The following SLC24A2 variants were observed in gnomAD, a reference collection of about 807,000 sequenced individuals.
The protein encoded by SLC24A2 is sodium/potassium/calcium exchanger 2.
SLC24A2 carries 36 observed loss-of-function variants against 62.0 expected under a neutral mutation model. The observed-to-expected ratio is 0.58, with a 90% confidence interval of 0.44 to 0.77. The LOEUF is 0.77. Ranked by LOEUF, SLC24A2 falls within the 30% of genes least tolerant of loss-of-function variation. SLC24A2 has a pLI of 0.00. For synonymous variants in SLC24A2, 358 were observed against 294.0 expected (o/e 1.22, Z -2.23); for missense variants, 846 against 817.9 (o/e 1.03, Z -0.42).
the SLC24A2 span, among the ~76,000 whole-genome samples, chr9:19,956,840 T>C: frequency 1.3e-5 from 2 of 152,160 alleles, no homozygotes; most frequent in African/African-American, 4.8e-5. Context: ...CCCTCATGAA[T>C]GGGATTGGTG....
At chr9:19,776,733 G>A (rs1217455687) in intron 2 of SLC24A2, among the ~76,000 whole-genome samples, 1 of 152,218 alleles carries the variant, frequency 6.6e-6, no homozygotes, top group African/African-American at 2.4e-5. Context: ...AAGAAAAAGA[G>A]TTGGGTGATA....
At chr9:19,871,114 G>A in the SLC24A2 span, among the ~76,000 whole-genome samples, 34 of 151,954 alleles carry the variant, frequency 2.2e-4, no homozygotes, top group Non-Finnish European at 4.6e-4. Flanking sequence ...TTATAGTTTT[G>A]GCTTTTGAAT....
At chr9:19,735,706 T>G (rs1317428925) in intron 2 of SLC24A2, among the ~76,000 whole-genome samples, 1 of 152,058 alleles carries the variant, frequency 6.6e-6, no homozygotes, top group Non-Finnish European at 1.5e-5. Context: ...ATGTCCTTTG[T>G]AGGGACATGG....
the SLC24A2 span, among the ~76,000 whole-genome samples, chr9:19,849,402 C>G: frequency 9.9e-5 from 15 of 152,144 alleles, no homozygotes; most frequent in Admixed American, 3.3e-4. Flanking sequence ...TTCTGAGACA[C>G]TATTGTTCAA....
At chr9:20,287,546 A>G in the SLC24A2 span, among the ~76,000 whole-genome samples, 1 of 152,238 alleles carries the variant, frequency 6.6e-6, no homozygotes, top group Non-Finnish European at 1.5e-5. Flanking sequence ...AGACAGAGCA[A>G]GTATAGACTT....
the SLC24A2 span, among the ~76,000 whole-genome samples, chr9:20,166,695 G>C: frequency 8.6e-5 from 13 of 152,016 alleles, no homozygotes; most frequent in Middle Eastern, 3.4e-3. Context: ...GGGATAAAAG[G>C]AATAGTAGAG....
At chr9:20,210,023 T>C in the SLC24A2 span, among the ~76,000 whole-genome samples, 212 of 152,328 alleles carry the variant, frequency 1.4e-3, no homozygotes, top group Non-Finnish European at 4.6e-4. Flanking sequence ...GACAGCTTAA[T>C]TGAAGGGGTC....
At chr9:20,213,908 A>G in the SLC24A2 span, among the ~76,000 whole-genome samples, 1 of 152,112 alleles carries the variant, frequency 6.6e-6, no homozygotes, top group Non-Finnish European at 1.5e-5. Flanking sequence ...TTGTATCTCC[A>G]TTTCACCCTG....
rs187864387 is a variant in SLC24A2 at position 19,659,199 on chromosome 9, T to C, written c.931-36900A>G. ...GGAATGAAGGCAGAGATTCCAATTA[T>C]GCAGCTGTAAGCCACGGAATGCCCA... is the stretch of plus-strand genomic sequence containing the variant. On this transcript the variant is annotated intron_variant, in intron 2 of 10. Coordinates refer to ENST00000341998, the MANE Select transcript of SLC24A2 (RefSeq NM_020344.4). Among the ~76,000 whole-genome samples the C allele has an allele frequency of 3.9e-5, 6 of 152,234 alleles. No homozygotes were observed. In the East Asian group the frequency reaches 9.7e-4, roughly 25 times the overall value.
the SLC24A2 span, among the ~76,000 whole-genome samples, chr9:20,095,748 TG>T: frequency 6.6e-6 from 1 of 150,530 alleles, no homozygotes; most frequent in Non-Finnish European, 1.5e-5. Flanking sequence ...TACCCAAGAC[TG>T]GGTAATTTAT....
At chr9:20,037,809 T>C in the SLC24A2 span, among the ~76,000 whole-genome samples, 1 of 152,200 alleles carries the variant, frequency 6.6e-6, no homozygotes, top group African/African-American at 2.4e-5. Context: ...GTAAATGGCC[T>C]CTAGTAGGTG....
chr9:19,872,119 G>C, the SLC24A2 span, among the ~76,000 whole-genome samples: 2 of 152,122 alleles, frequency 1.3e-5, no homozygotes, highest in African/African-American at 4.8e-5. Context: ...TGGTGGCTAG[G>C]ATGGTATGGT....
chr9:19,900,467 G>C, the SLC24A2 span, among the ~76,000 whole-genome samples: 2 of 152,118 alleles, frequency 1.3e-5, no homozygotes, highest in African/African-American at 2.4e-5. Flanking sequence ...CCATTATCTT[G>C]GGGAGTTGAT....
chr9:19,891,051 C>T, the SLC24A2 span, among the ~76,000 whole-genome samples: 2 of 152,232 alleles, frequency 1.3e-5, no homozygotes, highest in Non-Finnish European at 2.9e-5. Flanking sequence ...CCTTTGATTT[C>T]TCTTCTTTGC....
chr9:20,008,399 G>C, the SLC24A2 span, among the ~76,000 whole-genome samples: 1 of 151,938 alleles, frequency 6.6e-6, no homozygotes, highest in Non-Finnish European at 1.5e-5. Context: ...TCTGTACATG[G>C]ATATTCTCTA....
At chr9:20,066,152 A>G in the SLC24A2 span, among the ~76,000 whole-genome samples, 1 of 152,228 alleles carries the variant, frequency 6.6e-6, no homozygotes, top group South Asian at 2.1e-4. Flanking sequence ...GAGGAGGATC[A>G]TTGCCTTTAG....
the SLC24A2 span, among the ~76,000 whole-genome samples, chr9:19,816,516 A>G: frequency 6.6e-6 from 1 of 152,062 alleles, no homozygotes; most frequent in African/African-American, 2.4e-5. Flanking sequence ...AGCTACCTGT[A>G]TTACACCATG....
intron 2 of SLC24A2, among the ~76,000 whole-genome samples, chr9:19,644,314 T>C (rs1214281516): frequency 6.6e-6 from 1 of 152,326 alleles, no homozygotes; most frequent in Non-Finnish European, 1.5e-5. Flanking sequence ...TTCTGAGGGA[T>C]GAGAACATCC....
the SLC24A2 span, among the ~76,000 whole-genome samples, chr9:20,226,089 T>A: frequency 2.0e-5 from 3 of 152,120 alleles, no homozygotes; most frequent in South Asian, 4.1e-4. Context: ...ATCAACCACA[T>A]TGGAGAAAGT....
Sources: gnomAD v4.1 joint callset for allele counts (sites outside exome capture counted in the v4.1 genomes callset) on GRCh38, gnomAD v4.1.1 for gene constraint, MANE v1.5 for transcripts, NCBI Gene and HGNC (gene_info 2026-07-23, HGNC 2026-07-21) for gene names.